Variants in CD63 observed in about 807,000 individuals in gnomAD.
CD63 encodes the protein CD63 molecule.
Under a neutral mutation model 29.2 loss-of-function variants are expected in CD63, and 16 were observed. The ratio of observed to expected loss-of-function variants is 0.55; its 90% confidence interval spans 0.37 to 0.83. The LOEUF is 0.83. CD63 is among the 40% of genes least tolerant of loss of function. The pLI, the probability that CD63 is intolerant of heterozygous loss-of-function variation, is 0.00. For synonymous variants in CD63, 118 were observed against 111.7 expected (o/e 1.06, Z -0.36); for missense variants, 251 against 297.3 (o/e 0.84, Z 1.15).
intron 2 of CD63, chr12:55,727,655 T>G: frequency 7.2e-6 from 8 of 1,108,224 alleles, no homozygotes; most frequent in Admixed American, 4.8e-5. Flanking sequence ...CCCAGCTCAA[T>G]TCTCTCCCAG....
chr12:55,729,166 C>T, upstream of CD63: 1 of 982,188 alleles, frequency 1.0e-6, no homozygotes, highest in Non-Finnish European at 1.2e-6. Context: ...TGGGCCGAGC[C>T]CCCCGCCCGG....
At position 55,726,853 on chromosome 12, in the gene CD63, C is replaced by A. The variant is rs748299215; in HGVS notation, c.330+37G>T. The A allele has an allele frequency of 1.4e-5, 22 of 1,609,346 alleles. No homozygotes were observed. The African/African-American group carries it at 2.0e-4, about 15-fold the overall frequency. ...AATTCAAGCACCAGGGTCCCAGACC[C>A]GGCTGAGGCAGGCCCTTCCCATTAT... On this transcript the variant is annotated intron_variant, in intron 4 of 7. Transcript: ENST00000257857.
chr12:55,724,621 C>G (rs577996458), downstream of CD63: 7 of 1,290,470 alleles, frequency 5.4e-6, no homozygotes, highest in African/African-American at 5.8e-5. Context: ...CTGGTACTGC[C>G]TGGTGCCTGC....
Position 55,728,565 on chromosome 12 carries a change from G to A in CD63, c.-11-213C>T, listed in dbSNP as rs1318116023. The A allele has an allele frequency of 1.4e-6, 2 of 1,419,714 alleles. No homozygotes were observed. The highest frequency in any genetic ancestry group is 1.4e-5 in the African/African-American group (1 of 69,086). The allele number at this position is 1,419,714 out of a possible 1,614,324, so 87.9% of individuals were successfully genotyped here. The stretch of plus-strand genomic sequence containing the variant: ...GGCCGCGAAGCCCGGACCCCGCCCC[G>A]CCGCCTCTGGGGCCCAGGACAGATC... On this transcript the variant is annotated intron_variant, in intron 1 of 7. Coordinates refer to ENST00000257857, the MANE Select transcript of CD63 (RefSeq NM_001780.6). The surrounding 1 kb of genome is among the most constrained non-coding windows in gnomAD (Gnocchi z 4.8).
At position 55,726,724 on chromosome 12, in the gene CD63, C is replaced by T. The variant is rs750293887; in HGVS notation, c.402G>A (p.Ser134=). ...CATCTGCCTGCATCCTGTCCAGGAT[C>T]GAAGCAGTGTGGTTGTTTTTCGGGT... ...ENYPKNNHTA[S]ILDRMQADFK... The change falls in exon 5 of 8, where the codon TCG becomes TCA. Residue 134 remains serine, a synonymous_variant. Coordinates refer to ENST00000257857, the MANE Select transcript of CD63 (RefSeq NM_001780.6). 6.2e-7 allele frequency: 1 copy of T among 1,614,034 alleles called. No homozygotes were observed. Among genetic ancestry groups the T allele is most frequent in the Non-Finnish European group, 8.5e-7 (1 of 1,179,942 alleles).
chr12:55,729,679 A>G (rs564086400), upstream of CD63: 1 of 152,304 alleles, frequency 6.6e-6, no homozygotes, highest in Admixed American at 6.5e-5. Flanking sequence ...AGTCTGAGAA[A>G]AGGGGAGGAA....
rs1200552345 is a variant in CD63, at chr12:55,728,248, G to C, written c.66+28C>G. On this transcript the variant is annotated intron_variant, in intron 2 of 7. Coordinates refer to ENST00000257857, the MANE Select transcript of CD63 (RefSeq NM_001780.6). This position sits in a 1 kb window ranked among gnomAD's most constrained non-coding sequence, Gnocchi z 4.8. ...CCAGGTCTCCCCGCACCCTGCCGGC[G>C]CGCCCCCCAGGACCCCTCGCCACTC... is the stretch of plus-strand genomic sequence containing the variant. The C allele has an allele frequency of 3.8e-6, 6 of 1,590,950 alleles. No individual in the cohort carries two copies. Among genetic ancestry groups the C allele is most frequent in the Middle Eastern group, 1.7e-4 (1 of 6,056 alleles).
At chr12:55,726,653 G>T in intron 5 of CD63, 47 bp downstream of exon 5, 1 of 1,451,430 alleles carries the variant, frequency 6.9e-7, no homozygotes, top group Non-Finnish European at 9.7e-7. Context: ...CCTTGGAGAT[G>T]AGAATTCTCT....
At position 55,728,781 on chromosome 12, in the gene CD63, G is replaced by C. The variant is rs919545726; in HGVS notation, c.-12+172C>G. ...ACCAAAAAAAAAAAAAGTGCAGCCA[G>C]CACCCCCGCCACACCCTGCCCGGGC... On this transcript the variant is annotated intron_variant, in intron 1 of 7. Coordinates refer to ENST00000257857, the MANE Select transcript of CD63 (RefSeq NM_001780.6). This position sits in a 1 kb window ranked among gnomAD's most constrained non-coding sequence, Gnocchi z 4.8. 2.1e-6 allele frequency: 2 copies of C among 968,492 alleles called. No individual in the cohort carries two copies. The allele number at this position is 968,492 out of a possible 1,614,324, so 60.0% of individuals were successfully genotyped here.
chr12:55,723,779 T>G, downstream of CD63: 3 of 1,323,874 alleles, frequency 2.3e-6, no homozygotes, highest in Non-Finnish European at 3.2e-6. Context: ...CCGTCAAAAC[T>G]CTTGTCCCTG....
intron 6 of CD63, 41 bp from the exon 7 acceptor site, chr12:55,725,937 A>T: frequency 6.3e-7 from 1 of 1,590,802 alleles, no homozygotes; most frequent in Non-Finnish European, 8.6e-7. Flanking sequence ...ACCATCAGAA[A>T]CTTCCCACCC....
Position 55,728,783 on chromosome 12 carries a change from A to AC in CD63, c.-12+169dup. 1.0e-6 allele frequency: 1 copy of AC among 956,854 alleles called. No individual in the cohort carries two copies. Among genetic ancestry groups the AC allele is most frequent in the Non-Finnish European group, 1.2e-6 (1 of 821,288 alleles). 59.3% of individuals were successfully genotyped at this position (956,854 alleles called of 1,614,324 possible). On this transcript the variant is annotated intron_variant, in intron 1 of 7. Coordinates refer to ENST00000257857, the MANE Select transcript of CD63 (RefSeq NM_001780.6). The surrounding 1 kb of genome is among the most constrained non-coding windows in gnomAD (Gnocchi z 4.8). ...CAAAAAAAAAAAAAGTGCAGCCAGCACCCCCGCCACACCCTGCCCGGGCCC... is the reference window on the plus strand; with the variant it reads ...CAAAAAAAAAAAAAGTGCAGCCAGCACCCCCCGCCACACCCTGCCCGGGCCC...
At chr12:55,723,921 T>C (rs906391605), downstream of CD63, 8 of 1,613,984 alleles carry the variant, frequency 5.0e-6, no homozygotes, top group Non-Finnish European at 6.8e-6. Context: ...CGAGTCTCCA[T>C]CGTGGAGCCT....
chr12:55,726,289 A>G (rs538951507), intron 5 of CD63, 28 bp from the exon 6 acceptor site: 2 of 1,575,492 alleles, frequency 1.3e-6, no homozygotes, highest in East Asian at 2.3e-5. Flanking sequence ...TATGGAGAAG[A>G]AGGTTGTTAA....
chr12:55,726,867 C>T (rs773208081), intron 4 of CD63, 23 bp downstream of exon 4: 5 of 1,610,764 alleles, frequency 3.1e-6, no homozygotes, highest in South Asian at 2.2e-5. Flanking sequence ...TGAGGCAGGC[C>T]CTTCCCATTA....
downstream of CD63, chr12:55,724,314 G>C (rs760871944): frequency 3.1e-6 from 5 of 1,613,960 alleles, no homozygotes; most frequent in East Asian, 1.1e-4. Context: ...CCACCTATGG[G>C]GCTGCAGACC....
Position 55,726,142 on chromosome 12 carries a change from G to T in CD63, c.546C>A (p.Asn182Lys). The T allele has an allele frequency of 1.2e-6, 2 of 1,613,802 alleles. 1 individual carries two copies. The highest frequency in any genetic ancestry group is 2.2e-5 in the South Asian group (2 of 91,070). ...NVTVGCGINF[N>K]EKAIHKEGCV... ...CTACCTCCTTATGGATCGCCTTCTC[G>T]TTGAAATTAATCCCACAGCCCACAG... The change falls in exon 6 of 8, where the codon AAC becomes AAA. Residue 182 changes from asparagine to lysine, a missense_variant. Asn to Lys is a moderately conservative substitution (Grantham distance 94). Transcript: ENST00000257857.
chr12:55,725,384 C>T lies in CD63; in HGVS notation c.*177G>A, dbSNP rs2136145028. The T allele has an allele frequency of 1.6e-6, 1 of 628,074 alleles. No homozygotes were observed. Among genetic ancestry groups the T allele is most frequent in the East Asian group, 2.7e-5 (1 of 36,784 alleles). The allele number at this position is 628,074 out of a possible 1,614,324, so 38.9% of individuals were successfully genotyped here. A position where few individuals can be genotyped will look rare whatever the true frequency, so the allele number is the denominator to read the frequency against. On this transcript the variant is annotated 3_prime_UTR_variant, in exon 8 of 8. Transcript: ENST00000257857. ...CCCCCAAAATAGACCTCGAAGTACA[C>T]ATGCATTAAGGTCCCAGAGGACAGG...
chr12:55,725,997 A>G, intron 6 of CD63, 101 bp from the exon 7 acceptor site: 1 of 1,430,340 alleles, frequency 7.0e-7, no homozygotes, highest in Non-Finnish European at 9.7e-7. Flanking sequence ...TGTACCTTTC[A>G]CCCCACCCTT....
Sources: allele counts gnomAD v4.1 joint callset, GRCh38; gene constraint gnomAD v4.1.1; non-coding constraint Gnocchi (gnomAD v3.1); transcripts MANE v1.5; gene names NCBI Gene and HGNC (gene_info 2026-07-23, HGNC 2026-07-21).